Variants in ZFHX3 observed in about 807,000 individuals in gnomAD.
The protein encoded by ZFHX3 is zinc finger homeobox protein 3.
ZFHX3 carries 42 observed loss-of-function variants against 279.1 expected under a neutral mutation model. The ratio of observed to expected loss-of-function variants is 0.15; its 90% CI spans 0.12 to 0.19. The LOEUF (loss-of-function observed/expected upper bound fraction) is 0.19. ZFHX3 is among the 10% of genes least tolerant of loss of function. The pLI is 1.00. For missense variants in ZFHX3, 4,981 were observed against 4,754.0 expected (o/e 1.05, Z -1.40); for synonymous variants, 2,293 against 1,957.8 (o/e 1.17, Z -4.52).
chr16:73,369,076 C>T (rs1228296182), intron 3 of ZFHX3, among the ~76,000 whole-genome samples: 9 of 152,126 alleles, frequency 5.9e-5, no homozygotes, highest in Non-Finnish European at 5.9e-5. Context: ...TTGAGATGAG[C>T]GAGAAAAGCT....
At chr16:73,117,181 TTCTTTCCTTCCC>T (rs1393904453) in intron 7 of ZFHX3, among the ~76,000 whole-genome samples, 2 of 152,210 alleles carry the variant, frequency 1.3e-5, no homozygotes, top group African/African-American at 4.8e-5. Flanking sequence ...TTCTTTTTCC[TTCTTTCCTTCCC>T]TCTTTCCTTC....
chr16:73,446,775 A>G (rs2018193445), intron 3 of ZFHX3, among the ~76,000 whole-genome samples: 1 of 152,262 alleles, frequency 6.6e-6, no homozygotes, highest in African/African-American at 2.4e-5. Context: ...GCAAAAATCA[A>G]CCATGGGTAC....
intron 2 of ZFHX3, among the ~76,000 whole-genome samples, chr16:73,496,768 G>T (rs1006900578): frequency 2.0e-5 from 3 of 152,020 alleles, no homozygotes; most frequent in Admixed American, 2.0e-4. Context: ...TTCTGCCTGG[G>T]ATTTGCCAAA....
intron 2 of ZFHX3, among the ~76,000 whole-genome samples, chr16:73,506,665 A>G (rs2019332462): frequency 6.6e-6 from 1 of 152,138 alleles, no homozygotes; most frequent in African/African-American, 2.4e-5. Flanking sequence ...CCTGACCGCG[A>G]CCAATCAGCC....
chr16:72,987,364 T>C (rs1019336111), intron 1 of ZFHX3, among the ~76,000 whole-genome samples: 5 of 152,196 alleles, frequency 3.3e-5, no homozygotes, highest in African/African-American at 9.6e-5. Flanking sequence ...CAAAGTAAGA[T>C]GATGTGGAGG....
chr16:73,402,037 C>T (rs1209216843), intron 3 of ZFHX3: 1 of 152,168 alleles, frequency 6.6e-6, no homozygotes, highest in Non-Finnish European at 1.5e-5. Context: ...AATACTAGTC[C>T]AGGAAAGGAA....
chr16:72,971,310 TAAC>T (rs759952512), intron 1 of ZFHX3, among the ~76,000 whole-genome samples: 9 of 150,132 alleles, frequency 6.0e-5, no homozygotes, highest in Admixed American at 4.7e-4. Flanking sequence ...TGTACACATA[TAAC>T]AACAACAACA....
intron 5 of ZFHX3, among the ~76,000 whole-genome samples, chr16:73,226,269 G>A (rs2012588205): frequency 6.6e-6 from 1 of 152,174 alleles, no homozygotes; most frequent in African/African-American, 2.4e-5. Context: ...CTGTAGACAA[G>A]CAACAGGGAG....
In ZFHX3 at chr16:72,787,230, G is replaced by C. The variant is rs757476316; in HGVS notation, c.11046C>G (p.Pro3682=). Residue 3682 remains proline (P), a synonymous_variant, in exon 10 of 10, where the codon CCC becomes CCG. Transcript: ENST00000268489. The part of the protein sequence containing the change: ...SDGPASPVEG[P]KDPSCPKDSG... Reference sequence around the variant, plus strand: ...TGTCCTTGGGGCAGCTGGGGTCTTTGGGACCCTCCACCGGGCTCGCCGGTC... The same window carrying C: ...TGTCCTTGGGGCAGCTGGGGTCTTTCGGACCCTCCACCGGGCTCGCCGGTC... 2 of 1,613,880 alleles carry C rather than the reference G, an allele frequency of 1.2e-6. No homozygotes were observed. The highest frequency in any genetic ancestry group is 2.7e-5 in the African/African-American group (2 of 74,836).
chr16:73,409,403 T>C (rs1473265545), intron 3 of ZFHX3, among the ~76,000 whole-genome samples: 1 of 152,222 alleles, frequency 6.6e-6, no homozygotes, highest in Admixed American at 6.5e-5. Flanking sequence ...TGCTTGCACC[T>C]TTCCTTTTAA....
Position 73,615,120 on chromosome 16 carries a change from T to A in ZFHX3, c.-1547+65060A>T, listed in dbSNP as rs148075473. Among the ~76,000 whole-genome samples, 75 of 148,048 alleles carry A rather than the reference T, an allele frequency of 5.1e-4. No homozygotes were observed. In the East Asian group the frequency reaches 0.014, roughly 28 times the overall value. On this transcript the variant is annotated intron_variant, in intron 2 of 17. Transcript: ENST00000641206. Reference sequence around the variant, plus strand: ...TTTGAACAAATTTCACTAAACAACATGTTCAAGAGAGCAAAGCTATTAAAG... The same window carrying A: ...TTTGAACAAATTTCACTAAACAACAAGTTCAAGAGAGCAAAGCTATTAAAG...
intron 5 of ZFHX3, among the ~76,000 whole-genome samples, chr16:73,249,567 A>T (rs1281689264): frequency 1.3e-5 from 2 of 152,168 alleles, no homozygotes; most frequent in Non-Finnish European, 2.9e-5. Context: ...CGCCCCCAAG[A>T]TTCAGTTATC....
At chr16:72,829,342 A>G (rs1679346309) in intron 5 of ZFHX3, among the ~76,000 whole-genome samples, 1 of 152,062 alleles carries the variant, frequency 6.6e-6, no homozygotes, top group Admixed American at 6.5e-5. Context: ...ATCAGGGGTG[A>G]CCCTGATCAA....
chr16:73,378,051 AAAAAAAAAAAAAAAAAAAT>A (rs2016754792), intron 3 of ZFHX3, among the ~76,000 whole-genome samples: 1 of 130,710 alleles, frequency 7.7e-6, no homozygotes, highest in Non-Finnish European at 1.7e-5. Flanking sequence ...AAAAAAAAAA[AAAAAAAAAAAAAAAAAAAT>A]CTTATACACA....
At chr16:73,551,841 T>C (rs975359275) in intron 2 of ZFHX3, among the ~76,000 whole-genome samples, 3 of 152,182 alleles carry the variant, frequency 2.0e-5, no homozygotes, top group African/African-American at 7.2e-5. Context: ...TATATTTTGG[T>C]ATGGTTTTGG....
rs1302901979 is a variant in ZFHX3, at chr16:73,373,164, T to C, written c.-1290-54828A>G. On this transcript the variant is annotated intron_variant, in intron 3 of 17. Coordinates refer to the ZFHX3 transcript ENST00000641206. The stretch of plus-strand genomic sequence containing the variant: ...GTTTGGGGGGGGGGTGGTTCCAAAG[T>C]CTCCAGATCCATTTTCTTTAAGAGA... Among the ~76,000 whole-genome samples the C allele has an allele frequency of 3.3e-5, 5 of 151,698 alleles. No individual in the cohort carries two copies. In the East Asian group the frequency reaches 9.7e-4, roughly 29 times the overall value.
intron 3 of ZFHX3, among the ~76,000 whole-genome samples, chr16:73,448,453 T>G (rs2018225025): frequency 6.6e-6 from 1 of 151,814 alleles, no homozygotes; most frequent in African/African-American, 2.4e-5. Flanking sequence ...ATAGAACTAA[T>G]AAATAAATTA....
intron 1 of ZFHX3, among the ~76,000 whole-genome samples, chr16:73,886,097 A>G (rs751557508): frequency 6.6e-6 from 1 of 152,204 alleles, no homozygotes; most frequent in East Asian, 1.9e-4. Flanking sequence ...AAGGTAACAA[A>G]TCGTCAATGA....
rs142968480 is a variant in ZFHX3, at chr16:73,793,558, C to T, written c.-1608+98093G>A. Among the ~76,000 whole-genome samples the T allele has an allele frequency of 3.0e-4, 46 of 152,326 alleles. 1 individual carries two copies. The highest frequency in any genetic ancestry group is 1.0e-4 in the Non-Finnish European group (7 of 68,032). On this transcript the variant is annotated intron_variant, in intron 1 of 17. Transcript: ENST00000641206. ...GCGGTTCATACTAATTGTAGCTGTG[C>T]TGTATCTAGTTCCTTCATTCTTGAA...
Sources: gnomAD v4.1 joint callset for allele counts (sites outside exome capture counted in the v4.1 genomes callset) on GRCh38, gnomAD v4.1.1 for gene constraint, MANE v1.5 for transcripts, NCBI Gene and HGNC (gene_info 2026-07-23, HGNC 2026-07-21) for gene names.